Variants in TENM1 observed in about 807,000 individuals in gnomAD.
The protein encoded by TENM1 is teneurin transmembrane protein 1.
In TENM1, 35 loss-of-function variants were observed where a neutral mutation model predicts 174.8. That is an observed-to-expected ratio of 0.20 (90% CI 0.15 to 0.27). The LOEUF is 0.27. Ranked by LOEUF, TENM1 falls within the 10% of genes least tolerant of loss-of-function variation. The probability of loss-of-function intolerance (pLI) is 1.00; values close to 1 mark genes in which losing one functional copy is unlikely to be tolerated. For missense variants in TENM1, 1,633 were observed against 2,130.1 expected (o/e 0.77, Z 4.59); for synonymous variants, 781 against 798.7 (o/e 0.98, Z 0.37).
intron 1 of TENM1, among the ~76,000 whole-genome samples, chrX:124,914,224 T>A (rs1045865189): frequency 8.9e-6 from 1 of 112,031 alleles, no homozygotes; most frequent in Non-Finnish European, 1.9e-5. Context: ...TAATCTAATA[T>A]GGATCTCTAA....
intron 13 of TENM1, among the ~76,000 whole-genome samples, chrX:124,562,476 A>G (rs1037080238): frequency 1.7e-4 from 19 of 112,942 alleles, no homozygotes; most frequent in Non-Finnish European, 2.6e-4. Context: ...TAACAATAAT[A>G]TTAAATGTTA....
intron 22 of TENM1, 119 bp from the exon 26 acceptor site, chrX:124,453,610 T>C: frequency 4.6e-6 from 3 of 652,902 alleles, no homozygotes; most frequent in Non-Finnish European, 6.8e-6. Flanking sequence ...AGATTCAATT[T>C]TGCTCAGCAC....
At chrX:124,759,375 A>G (rs913296230) in intron 3 of TENM1, among the ~76,000 whole-genome samples, 3 of 111,495 alleles carry the variant, frequency 2.7e-5, no homozygotes, top group African/African-American at 6.5e-5. Context: ...ATTTGGTTAC[A>G]TAAGTTCTTT....
chrX:124,521,864 C>T (rs1282817829), intron 17 of TENM1, among the ~76,000 whole-genome samples: 2 of 111,774 alleles, frequency 1.8e-5, no homozygotes, highest in Admixed American at 1.9e-4. Context: ...TCTGAGGACA[C>T]GATACCTTTT....
At chrX:125,048,243 ATTTTTTTTTT>A in the TENM1 span, among the ~76,000 whole-genome samples, 1 of 64,222 alleles carries the variant, frequency 1.6e-5, no homozygotes, top group Non-Finnish European at 2.8e-5. Context: ...GTTTCGAAGC[ATTTTTTTTTT>A]TTTTTTTTTT....
At chrX:124,416,585 T>C (rs1477335733) in intron 25 of TENM1, among the ~76,000 whole-genome samples, 1 of 112,190 alleles carries the variant, frequency 8.9e-6, no homozygotes, top group African/African-American at 3.2e-5. Context: ...AAGAGAATAT[T>C]CTACTCAGGC....
At chrX:124,749,670 G>A (rs1182247547) in intron 3 of TENM1, among the ~76,000 whole-genome samples, 1 of 111,595 alleles carries the variant, frequency 9.0e-6, no homozygotes, top group Non-Finnish European at 1.9e-5. Context: ...AAACGATGAC[G>A]ACTATTTAGA....
chrX:124,919,968 C>A (rs2057993326), intron 1 of TENM1, among the ~76,000 whole-genome samples: 1 of 110,878 alleles, frequency 9.0e-6, no homozygotes, highest in Non-Finnish European at 1.9e-5. Context: ...ACATAAGTCA[C>A]TAAAGATGAT....
intron 6 of TENM1, among the ~76,000 whole-genome samples, chrX:124,670,118 C>T (rs1276612527): frequency 3.6e-5 from 4 of 111,709 alleles, no homozygotes; most frequent in Admixed American, 2.9e-4. Flanking sequence ...ATTCTTGACA[C>T]GTGGTAATTT....
At chrX:124,649,157 T>G (rs1177152301) in intron 8 of TENM1, among the ~76,000 whole-genome samples, 1 of 112,407 alleles carries the variant, frequency 8.9e-6, no homozygotes, top group Non-Finnish European at 1.9e-5. Context: ...CTTTTAAATC[T>G]TACTTCAGAA....
intron 5 of TENM1, among the ~76,000 whole-genome samples, chrX:124,674,392 T>C (rs2148440553): frequency 9.4e-6 from 1 of 106,673 alleles, no homozygotes; most frequent in African/African-American, 3.4e-5. Flanking sequence ...TGAAAGGGGC[T>C]AATTAGTATG....
the TENM1 span, among the ~76,000 whole-genome samples, chrX:125,154,103 A>T: frequency 8.9e-6 from 1 of 112,374 alleles, no homozygotes; most frequent in African/African-American, 3.2e-5. Context: ...ATAAAAAGAA[A>T]ATACAATCAA....
chrX:124,882,989 G>T (rs1001821470), intron 3 of TENM1, among the ~76,000 whole-genome samples: 2 of 110,693 alleles, frequency 1.8e-5, no homozygotes, highest in African/African-American at 6.6e-5. Flanking sequence ...TGTATTCCTG[G>T]GTTTTTAATT....
the TENM1 span, among the ~76,000 whole-genome samples, chrX:124,993,264 G>T: frequency 9.0e-6 from 1 of 111,241 alleles, no homozygotes; most frequent in Admixed American, 9.6e-5. Flanking sequence ...AAGCTGAAAA[G>T]AATGGAAATG....
upstream of TENM1, among the ~76,000 whole-genome samples, chrX:124,965,153 C>T (rs1164745970): frequency 8.9e-6 from 1 of 111,785 alleles, no homozygotes; most frequent in African/African-American, 3.3e-5. Flanking sequence ...TCTCGGCTCA[C>T]TGCAAGCTCC....
intron 22 of TENM1, among the ~76,000 whole-genome samples, chrX:124,461,673 A>G (rs2061175067): frequency 8.9e-6 from 1 of 111,775 alleles, no homozygotes. Context: ...ACATGTTCTC[A>G]CTGATACGTG....
At chrX:124,662,438 G>A (rs1281946771) in intron 6 of TENM1, among the ~76,000 whole-genome samples, 1 of 100,325 alleles carries the variant, frequency 1.0e-5, no homozygotes, top group Non-Finnish European at 2.0e-5. Flanking sequence ...TGGACGACAG[G>A]GCGAGACTTC....
At chrX:125,170,699 G>C in the TENM1 span, among the ~76,000 whole-genome samples, 1 of 111,082 alleles carries the variant, frequency 9.0e-6, no homozygotes, top group Non-Finnish European at 1.9e-5. Flanking sequence ...AAATGCTCAA[G>C]GGTGTATACC....
chrX:124,698,607 A>G (rs1213816770), intron 5 of TENM1, among the ~76,000 whole-genome samples: 1 of 111,145 alleles, frequency 9.0e-6, no homozygotes, highest in Non-Finnish European at 1.9e-5. Flanking sequence ...TGTAAGTCTG[A>G]GCAAATAATT....
Sources: allele counts gnomAD v4.1 joint callset (sites outside exome capture counted in the v4.1 genomes callset), GRCh38; gene constraint gnomAD v4.1.1; transcripts MANE v1.5; gene names NCBI Gene and HGNC (gene_info 2026-07-23, HGNC 2026-07-21).